Variants in TPCN2 observed in about 807,000 individuals in gnomAD.
The protein encoded by TPCN2 is two pore channel protein 2.
A neutral mutation model predicts 111.4 loss-of-function variants in TPCN2; 92 were observed. The observed-to-expected ratio is 0.83, with a 90% CI of 0.70 to 0.98. The LOEUF (loss-of-function observed/expected upper bound fraction) is 0.98, where lower values mean the gene tolerates loss of function less well. Among genes scored for constraint, TPCN2 ranks in the 50% least tolerant of loss-of-function variants. The pLI, the probability that TPCN2 is intolerant of heterozygous loss-of-function variation, is 0.00. For synonymous variants in TPCN2, 405 were observed against 414.5 expected, an observed-to-expected ratio of 0.98 and a Z score of 0.28; for missense variants, 995 against 980.1, an observed-to-expected ratio of 1.02 and a Z score of -0.20.
intron 1 of TPCN2, among the ~76,000 whole-genome samples, chr11:69,051,067 G>GC (rs1437115422): frequency 6.6e-6 from 1 of 152,238 alleles, no homozygotes; most frequent in Admixed American, 6.5e-5. Flanking sequence ...CTGTGCTGAG[G>GC]CCTGTGCCAG....
At chr11:69,085,550 C>G (rs557238371) in intron 20 of TPCN2, 121 bp from the exon 21 acceptor site, 4 of 772,560 alleles carry the variant, frequency 5.2e-6, no homozygotes, top group South Asian at 3.1e-5. Context: ...CTCTGAGCCT[C>G]TGTATCCCAA....
In TPCN2 at chr11:69,069,251, C is replaced by T. The variant is rs1343187055; in HGVS notation, c.830-1179C>T. ...GAAGTGACCGCAGTGGGAGCAGGACCGTCTGAGTCCTAGGAAGTGACCGCA... is the reference window on the plus strand; with the variant it reads ...GAAGTGACCGCAGTGGGAGCAGGACTGTCTGAGTCCTAGGAAGTGACCGCA... On this transcript the variant is annotated intron_variant, in intron 8 of 24. Transcript: ENST00000294309. 3.0e-4 allele frequency among the ~76,000 whole-genome samples: 30 copies of T among 100,196 alleles called. No individual in the cohort carries two copies. In the East Asian group the frequency reaches 6.3e-3, roughly 21 times the overall value. The allele number at this position is 100,196 out of a possible 152,430, so 65.7% of individuals were successfully genotyped here. A position where few individuals can be genotyped will look rare whatever the true frequency, so the allele number is the denominator to read the frequency against.
intron 5 of TPCN2, 122 bp downstream of exon 5, chr11:69,057,816 C>T (rs1207593247): frequency 6.3e-6 from 5 of 789,890 alleles, no homozygotes; most frequent in African/African-American, 5.1e-5. Flanking sequence ...CCGCCCAGCA[C>T]TGCCCACCTC....
chr11:69,081,276 G>C (rs1241589891), intron 17 of TPCN2, 124 bp from the exon 18 acceptor site: 3 of 614,376 alleles, frequency 4.9e-6, no homozygotes, highest in Non-Finnish European at 8.7e-6. Flanking sequence ...TTGGCTGTGG[G>C]GTGCACTCCC....
intron 13 of TPCN2, among the ~76,000 whole-genome samples, chr11:69,073,789 C>A (rs138345934): frequency 0.018 from 2,802 of 152,202 alleles, 244 homozygotes; most frequent in Admixed American, 0.16. Context: ...CCTGTAGATG[C>A]CAGCCTCTCC....
chr11:69,078,656 T>C, intron 14 of TPCN2, 55 bp downstream of exon 14: 1 of 1,613,332 alleles, frequency 6.2e-7, no homozygotes, highest in Non-Finnish European at 8.5e-7. Context: ...CCGCCCACCT[T>C]GCAGGGGAGC....
Position 69,078,910 on chromosome 11 carries a change from A to G in TPCN2, c.1429A>G (p.Ile477Val). Residue 477 changes from isoleucine to valine, a missense_variant, in exon 16 of 25, where the codon ATT becomes GTT. Ile to Val is a conservative substitution (Grantham distance 29, BLOSUM62 3). Transcript: ENST00000294309. The stretch of plus-strand genomic sequence containing the variant: ...CTTTCAGATTCTCAACTGCGTCTTC[A>G]TTGTGTACTACCTGTTGGAGATGCT... ...FILGILNCVFIVYYLLEMLLK... is the reference protein window; with the variant it reads ...FILGILNCVFVVYYLLEMLLK... The G allele has an allele frequency of 1.9e-6, 3 of 1,614,016 alleles. No individual in the cohort carries two copies. The highest frequency in any genetic ancestry group is 4.5e-5 in the East Asian group (2 of 44,876).
chr11:69,073,432 G>A (rs1049885167), intron 13 of TPCN2, among the ~76,000 whole-genome samples: 1 of 152,242 alleles, frequency 6.6e-6, no homozygotes, highest in South Asian at 2.1e-4. Flanking sequence ...GAGACAGTGG[G>A]AAACAGCCCA....
At chr11:69,062,283 C>T (rs763801234) in intron 5 of TPCN2, among the ~76,000 whole-genome samples, 6 of 152,194 alleles carry the variant, frequency 3.9e-5, no homozygotes, top group Non-Finnish European at 8.8e-5. Context: ...CCGCTTCCAA[C>T]ACGGGGAGTC....
chr11:69,077,617 A>G (rs1855849611), intron 13 of TPCN2, among the ~76,000 whole-genome samples: 1 of 152,194 alleles, frequency 6.6e-6, no homozygotes, highest in Non-Finnish European at 1.5e-5. Context: ...TTCCCTGTGT[A>G]ATTTCAGGCA....
intron 5 of TPCN2, among the ~76,000 whole-genome samples, chr11:69,060,949 T>C (rs1436097699): frequency 6.6e-6 from 1 of 152,224 alleles, no homozygotes; most frequent in Non-Finnish European, 1.5e-5. Flanking sequence ...TTCTCAGTCC[T>C]GCGCCAGGCC....
At chr11:69,085,089 G>T in intron 19 of TPCN2, 121 bp from the exon 20 acceptor site, 1 of 1,009,386 alleles carries the variant, frequency 9.9e-7, no homozygotes, top group Non-Finnish European at 1.6e-6. Flanking sequence ...TGGAATCCCA[G>T]CCCTGGGCAG....
At chr11:69,072,869 T>TCACCTTCCCGTGCGCC in intron 12 of TPCN2, 46 bp from the exon 13 acceptor site, 1 of 1,550,234 alleles carries the variant, frequency 6.5e-7, no homozygotes, top group Non-Finnish European at 8.9e-7. Flanking sequence ...TCGAGGGCGC[T>TCACCTTCCCGTGCGCC]CACCTTCCCG....
chr11:69,050,169 C>T (rs911651321), intron 1 of TPCN2, among the ~76,000 whole-genome samples: 2 of 152,230 alleles, frequency 1.3e-5, no homozygotes, highest in Non-Finnish European at 2.9e-5. Context: ...GCCACCCTGT[C>T]TGCTCACCTC....
At chr11:69,074,162 C>T (rs565044908) in intron 13 of TPCN2, among the ~76,000 whole-genome samples, 1 of 152,358 alleles carries the variant, frequency 6.6e-6, no homozygotes, top group South Asian at 2.1e-4. Flanking sequence ...CTGCAGGACC[C>T]TGTCAGAGGT....
chr11:69,089,896 C>T lies in TPCN2; in HGVS notation c.*1943C>T, dbSNP rs1193554706. On this transcript the variant is annotated 3_prime_UTR_variant, in exon 25 of 25. Transcript: ENST00000294309. ...GTCCTGCTTGTTTGGCCCGTGGGAG[C>T]CCCTTCTTCTGCCTTTTGTGTTTTT... 2 of 145,074 alleles carry T rather than the reference C, an allele frequency of 1.4e-5. No individual in the cohort carries two copies. The highest frequency in any genetic ancestry group is 5.0e-5 in the African/African-American group (2 of 39,690). 9.0% of individuals were successfully genotyped at this position (145,074 alleles called of 1,614,324 possible). A position where few individuals can be genotyped will look rare whatever the true frequency, so the allele number is the denominator to read the frequency against.
Position 69,067,439 on chromosome 11 carries a change from C to G in TPCN2, c.727-64C>G, listed in dbSNP as rs1005161770. Reference sequence around the variant, plus strand: ...TGGTTCCAGCCGGTTGGGTCCGGGGCCTGGAGCTCAGCCTGTGGGGTGGGG... The same window carrying G: ...TGGTTCCAGCCGGTTGGGTCCGGGGGCTGGAGCTCAGCCTGTGGGGTGGGG... On this transcript the variant is annotated intron_variant, in intron 7 of 24. Transcript: ENST00000294309. 2.4e-5 allele frequency: 35 copies of G among 1,467,984 alleles called. No individual in the cohort carries two copies. In the Middle Eastern group the frequency reaches 1.1e-3, roughly 46 times the overall value. The allele number at this position is 1,467,984 out of a possible 1,614,324, so 90.9% of individuals were successfully genotyped here.
At chr11:69,079,537 A>G (rs4930263) in intron 16 of TPCN2, 333,375 of 346,180 alleles carry the variant, frequency 0.96, 161,191 homozygotes, top group Non-Finnish European at 1. Flanking sequence ...CTCGGCACAT[A>G]GGTGAAGAGA....
At chr11:69,075,049 C>T (rs993144470) in intron 13 of TPCN2, among the ~76,000 whole-genome samples, 3 of 152,208 alleles carry the variant, frequency 2.0e-5, no homozygotes, top group Non-Finnish European at 2.9e-5. Flanking sequence ...GGCTTGTGTG[C>T]GCACAGGAGT....
Sources: allele counts gnomAD v4.1 joint callset (sites outside exome capture counted in the v4.1 genomes callset), GRCh38; gene constraint gnomAD v4.1.1; transcripts MANE v1.5; gene names NCBI Gene and HGNC (gene_info 2026-07-23, HGNC 2026-07-21).